SAMD5: variants seen among roughly 807,000 people sequenced by gnomAD.
SAMD5 encodes sterile alpha motif domain-containing protein 5.
In SAMD5, 13 loss-of-function variants were observed where a neutral mutation model predicts 11.3. The ratio of observed to expected loss-of-function variants is 1.15; its 90% CI spans 0.75 to 1.83. SAMD5 has a LOEUF of 1.83. SAMD5 is among the 40% of genes most tolerant of loss of function. The pLI is 0.00. For missense variants in SAMD5, 255 were observed against 239.1 expected (o/e 1.07, Z -0.44); for synonymous variants, 129 against 111.3 (o/e 1.16, Z -1.00).
intron 1 of SAMD5, among the ~76,000 whole-genome samples, chr6:147,688,976 G>C (rs1791060191): frequency 6.6e-6 from 1 of 152,222 alleles, no homozygotes; most frequent in Non-Finnish European, 1.5e-5. Context: ...TAGCTCACTG[G>C]AGATCCTTTT....
chr6:147,747,199 G>T, the SAMD5 span, among the ~76,000 whole-genome samples: 2 of 152,104 alleles, frequency 1.3e-5, no homozygotes, highest in African/African-American at 4.8e-5. Flanking sequence ...TTGAATATGA[G>T]GAAAAAGAGG....
At chr6:147,851,751 T>A in the SAMD5 span, among the ~76,000 whole-genome samples, 1 of 152,176 alleles carries the variant, frequency 6.6e-6, no homozygotes, top group Non-Finnish European at 1.5e-5. Context: ...TACTGATAGA[T>A]AATTAAATAA....
intron 1 of SAMD5, among the ~76,000 whole-genome samples, chr6:147,648,350 T>C (rs1790434654): frequency 6.6e-6 from 1 of 152,174 alleles, no homozygotes. Context: ...ACTCACTCAT[T>C]ATCATGAGAA....
chr6:147,751,411 G>A, the SAMD5 span, among the ~76,000 whole-genome samples: 2 of 151,942 alleles, frequency 1.3e-5, no homozygotes, highest in Admixed American at 1.3e-4. Flanking sequence ...TTGCTTTCTT[G>A]TTGTATCCTC....
intron 1 of SAMD5, among the ~76,000 whole-genome samples, chr6:147,599,741 C>T (rs992005002): frequency 3.3e-5 from 5 of 152,186 alleles, no homozygotes; most frequent in Non-Finnish European, 7.4e-5. Context: ...CACAATTTTG[C>T]TTCACTGCTT....
At chr6:147,849,807 G>A in the SAMD5 span, among the ~76,000 whole-genome samples, 4 of 152,222 alleles carry the variant, frequency 2.6e-5, no homozygotes, top group African/African-American at 4.8e-5. Context: ...GGCTGGAGGC[G>A]AGGGATCAAT....
intron 1 of SAMD5, among the ~76,000 whole-genome samples, chr6:147,586,396 A>C (rs1789374349): frequency 1.3e-5 from 2 of 152,156 alleles, no homozygotes; most frequent in South Asian, 4.1e-4. Flanking sequence ...GTCTTACGAA[A>C]TTTTACCCTT....
chr6:147,611,549 C>T (rs1789786808), intron 1 of SAMD5, among the ~76,000 whole-genome samples: 1 of 152,008 alleles, frequency 6.6e-6, no homozygotes, highest in South Asian at 2.1e-4. Context: ...GGTGACAGAA[C>T]AAGACTCCGT....
At chr6:147,524,726 T>C (rs1353504811) in intron 1 of SAMD5, among the ~76,000 whole-genome samples, 1 of 152,176 alleles carries the variant, frequency 6.6e-6, no homozygotes, top group Non-Finnish European at 1.5e-5. Context: ...TCACACAAGT[T>C]GGGAGAAGCT....
At chr6:147,518,821 A>G (rs901693258) in intron 1 of SAMD5, among the ~76,000 whole-genome samples, 1 of 152,234 alleles carries the variant, frequency 6.6e-6, no homozygotes, top group Admixed American at 6.5e-5. Flanking sequence ...TTATGAAAAA[A>G]TGCTGTTTCA....
At chr6:147,926,852 T>C in the SAMD5 span, among the ~76,000 whole-genome samples, 1 of 152,150 alleles carries the variant, frequency 6.6e-6, no homozygotes, top group Non-Finnish European at 1.5e-5. Flanking sequence ...TTTTTTTATA[T>C]GGTGTAAGGA....
chr6:147,509,601 C>T (rs1477894433), intron 1 of SAMD5, among the ~76,000 whole-genome samples: 1 of 152,146 alleles, frequency 6.6e-6, no homozygotes, highest in Admixed American at 6.5e-5. Context: ...CCCCCGCATC[C>T]AGATGTTATC....
chr6:147,594,772 A>T (rs1047583698), intron 1 of SAMD5, among the ~76,000 whole-genome samples: 3 of 152,190 alleles, frequency 2.0e-5, no homozygotes, highest in Non-Finnish European at 4.4e-5. Context: ...ATTTGGCCAT[A>T]TGAAGAAAAT....
intron 1 of SAMD5, among the ~76,000 whole-genome samples, chr6:147,621,266 C>T (rs770870673): frequency 1.3e-5 from 2 of 152,152 alleles, no homozygotes; most frequent in East Asian, 1.9e-4. Flanking sequence ...AATAATGAAA[C>T]GTGAAATAAA....
At chr6:147,851,666 A>G in the SAMD5 span, among the ~76,000 whole-genome samples, 1 of 151,980 alleles carries the variant, frequency 6.6e-6, no homozygotes, top group South Asian at 2.1e-4. Context: ...TTGGTTTAAC[A>G]CTCCTGAAAA....
the SAMD5 span, among the ~76,000 whole-genome samples, chr6:147,850,782 C>T: frequency 6.6e-6 from 1 of 152,014 alleles, no homozygotes; most frequent in African/African-American, 2.4e-5. Flanking sequence ...TTGTCCAGCG[C>T]CTCAGTCCTG....
intron 1 of SAMD5, among the ~76,000 whole-genome samples, chr6:147,517,952 C>T (rs1354336071): frequency 4.6e-5 from 7 of 151,584 alleles, no homozygotes; most frequent in Non-Finnish European, 8.8e-5. Flanking sequence ...GTTTTAAACA[C>T]TTTAAAAATG....
intron 1 of SAMD5, among the ~76,000 whole-genome samples, chr6:147,686,550 G>C (rs1791014004): frequency 6.6e-6 from 1 of 152,108 alleles, no homozygotes; most frequent in Admixed American, 6.5e-5. Context: ...GCTGTGCCAT[G>C]TCATACCAGT....
chr6:147,714,854 C>T (rs190716593), intron 1 of SAMD5, among the ~76,000 whole-genome samples: 21 of 152,224 alleles, frequency 1.4e-4, no homozygotes, highest in African/African-American at 4.6e-4. Context: ...ATGTTTTCCT[C>T]CTTATCCATC....
Sources: allele counts gnomAD v4.1 joint callset (sites outside exome capture counted in the v4.1 genomes callset), GRCh38; gene constraint gnomAD v4.1.1; transcripts MANE v1.5; gene names NCBI Gene and HGNC (gene_info 2026-07-23, HGNC 2026-07-21).